The following GALNT17 variants were observed in gnomAD, a reference collection of about 807,000 sequenced individuals.
GALNT17 encodes the protein UDP-GalNAc:polypeptide N-acetylgalactosaminyltransferase-like 3.
In GALNT17, 29 loss-of-function variants were observed where a neutral mutation model predicts 63.7. The observed-to-expected ratio is 0.46, with a 90% CI of 0.34 to 0.62. The LOEUF is 0.62. Among genes scored for constraint, GALNT17 ranks in the 20% least tolerant of loss-of-function variants. GALNT17 has a pLI of 0.01. For missense variants in GALNT17, 603 were observed against 799.6 expected (o/e 0.75, Z 2.97); for synonymous variants, 305 against 318.3 (o/e 0.96, Z 0.45).
chr7:71,191,982 A>G (rs954219874), intron 1 of GALNT17, among the ~76,000 whole-genome samples: 4 of 151,844 alleles, frequency 2.6e-5, no homozygotes, highest in Non-Finnish European at 5.9e-5. Context: ...CTCATTCCCA[A>G]AAACCTCAAA....
At chr7:71,231,433 G>A (rs1205455192) in intron 1 of GALNT17, among the ~76,000 whole-genome samples, 1 of 152,154 alleles carries the variant, frequency 6.6e-6, no homozygotes, top group Non-Finnish European at 1.5e-5. Context: ...ACCTGGAGAA[G>A]TGCAAGTCCA....
chr7:71,409,626 A>G (rs1298048389), intron 3 of GALNT17, among the ~76,000 whole-genome samples: 6 of 152,212 alleles, frequency 3.9e-5, no homozygotes, highest in Non-Finnish European at 7.3e-5. Context: ...CTTCCCAAGT[A>G]CACATAAAAA....
intron 2 of GALNT17, among the ~76,000 whole-genome samples, chr7:71,342,839 T>C (rs565701498): frequency 6.6e-6 from 1 of 152,308 alleles, no homozygotes; most frequent in South Asian, 2.1e-4. Flanking sequence ...TGAAGGAGAC[T>C]GTGTATGTTT....
At chr7:71,338,336 AT>A (rs1211527013) in intron 2 of GALNT17, among the ~76,000 whole-genome samples, 1 of 145,956 alleles carries the variant, frequency 6.9e-6, no homozygotes, top group Non-Finnish European at 1.5e-5. Context: ...CAAAAAAAAA[AT>A]AAATAAATAA....
rs1583963031 is a variant in GALNT17, at chr7:71,449,103, A to ATTTTTTTTTTT, written c.962+28002_962+28003insTTTTTTTTTTT. On this transcript the variant is annotated intron_variant, in intron 5 of 10. Transcript: ENST00000333538. ...TTTTAATTAGAAATAACAGCTGCCT[A>ATTTTTTTTTTT]TTTTCTTTTTTTTTTTTTTTTTTTT... 7.2e-4 allele frequency among the ~76,000 whole-genome samples: 33 copies of ATTTTTTTTTTT among 45,552 alleles called. 1 individual carries two copies. The highest frequency in any genetic ancestry group is 0.01 in the Middle Eastern group (1 of 98). 29.9% of individuals were successfully genotyped at this position (45,552 alleles called of 152,430 possible).
At chr7:71,238,952 C>T (rs1308883658) in intron 1 of GALNT17, among the ~76,000 whole-genome samples, 2 of 152,162 alleles carry the variant, frequency 1.3e-5, no homozygotes, top group African/African-American at 4.8e-5. Context: ...CCGTGAGGTC[C>T]CCTTGTAGAT....
chr7:71,556,421 T>C, intron 5 of GALNT17, among the ~76,000 whole-genome samples: 1 of 152,210 alleles, frequency 6.6e-6, no homozygotes, highest in East Asian at 1.9e-4. Flanking sequence ...TTTTAGACAC[T>C]GCAGATCCAG....
At chr7:71,499,678 G>A (rs1342856510) in intron 5 of GALNT17, among the ~76,000 whole-genome samples, 3 of 152,250 alleles carry the variant, frequency 2.0e-5, no homozygotes, top group Admixed American at 6.5e-5. Flanking sequence ...ATGCACTCCC[G>A]ATTTCTCTTC....
chr7:71,153,294 T>C (rs932367734), intron 1 of GALNT17, among the ~76,000 whole-genome samples: 1 of 152,224 alleles, frequency 6.6e-6, no homozygotes, highest in African/African-American at 2.4e-5. Flanking sequence ...ATTTGTAGCA[T>C]ACCTGGAAGA....
intron 6 of GALNT17, among the ~76,000 whole-genome samples, chr7:71,659,108 C>T (rs1029228725): frequency 1.3e-5 from 2 of 152,174 alleles, no homozygotes; most frequent in Non-Finnish European, 2.9e-5. Flanking sequence ...TTCTTTTTAA[C>T]ATGACCTCCA....
intron 2 of GALNT17, among the ~76,000 whole-genome samples, chr7:71,375,524 C>T (rs1439192866): frequency 6.6e-6 from 1 of 152,176 alleles, no homozygotes; most frequent in Admixed American, 6.5e-5. Flanking sequence ...AGGCGATCCT[C>T]TCACCTCAGC....
intron 1 of GALNT17, among the ~76,000 whole-genome samples, chr7:71,179,937 T>G (rs1250490784): frequency 6.6e-6 from 1 of 152,190 alleles, no homozygotes; most frequent in Non-Finnish European, 1.5e-5. Flanking sequence ...TGCAGGAGGT[T>G]TGGTATATAC....
chr7:71,702,388 T>A (rs1253257092), intron 9 of GALNT17, among the ~76,000 whole-genome samples: 1 of 151,976 alleles, frequency 6.6e-6, no homozygotes, highest in Non-Finnish European at 1.5e-5. Context: ...GGTTCACAGA[T>A]CAGCAGGGAG....
intron 6 of GALNT17, among the ~76,000 whole-genome samples, chr7:71,587,632 T>C (rs1216478095): frequency 6.6e-6 from 1 of 152,076 alleles, no homozygotes; most frequent in Admixed American, 6.6e-5. Flanking sequence ...CACACTTAGG[T>C]CTATGATCAT....
At chr7:71,197,772 AG>A (rs1789082129) in intron 1 of GALNT17, among the ~76,000 whole-genome samples, 1 of 152,102 alleles carries the variant, frequency 6.6e-6, no homozygotes, top group African/African-American at 2.4e-5. Context: ...TGCAAATGAC[AG>A]GGTCTTATTT....
intron 2 of GALNT17, among the ~76,000 whole-genome samples, chr7:71,356,902 C>T (rs1256780052): frequency 6.6e-6 from 1 of 152,154 alleles, no homozygotes; most frequent in African/African-American, 2.4e-5. Flanking sequence ...CTGCCTCAGC[C>T]TCCCAAGTAG....
intron 5 of GALNT17, among the ~76,000 whole-genome samples, chr7:71,492,890 G>A (rs983358690): frequency 2.0e-5 from 3 of 152,218 alleles, no homozygotes; most frequent in Non-Finnish European, 4.4e-5. Flanking sequence ...AGAAGTAGCT[G>A]TGGAAGATTT....
intron 8 of GALNT17, among the ~76,000 whole-genome samples, chr7:71,676,626 T>C (rs1302958795): frequency 1.3e-5 from 2 of 152,278 alleles, no homozygotes; most frequent in East Asian, 3.9e-4. Context: ...GATCAAGCGA[T>C]CCTCCTGCCT....
chr7:71,650,310 C>T (rs973949962), intron 6 of GALNT17, among the ~76,000 whole-genome samples: 2 of 152,160 alleles, frequency 1.3e-5, no homozygotes, highest in Non-Finnish European at 2.9e-5. Context: ...AGCACAGTGG[C>T]ATGATCTCTC....
Sources: allele counts gnomAD v4.1 joint callset (sites outside exome capture counted in the v4.1 genomes callset), GRCh38; gene constraint gnomAD v4.1.1; transcripts MANE v1.5; gene names NCBI Gene and HGNC (gene_info 2026-07-23, HGNC 2026-07-21).